The following ARHGAP22 variants were observed in gnomAD, a reference collection of about 807,000 sequenced individuals.
ARHGAP22 encodes the protein Rho GTPase activating protein 22.
Under a neutral mutation model 59.1 loss-of-function variants are expected in ARHGAP22, and 48 were observed. The observed-to-expected ratio is 0.81, with a 90% CI of 0.64 to 1.03. The LOEUF is 1.03. Ranked by LOEUF, ARHGAP22 falls within the 50% of genes least tolerant of loss-of-function variation. ARHGAP22 has a pLI of 0.00. For synonymous variants in ARHGAP22, 445 were observed against 416.4 expected (o/e 1.07, Z -0.84); for missense variants, 1,015 against 958.7 (o/e 1.06, Z -0.78).
intron 3 of ARHGAP22, among the ~76,000 whole-genome samples, chr10:48,518,574 C>T (rs980159847): frequency 7.9e-5 from 12 of 152,152 alleles, no homozygotes; most frequent in Admixed American, 3.9e-4. Flanking sequence ...AAGCAGGCCA[C>T]GTGTGAGAGG....
intron 1 of ARHGAP22, among the ~76,000 whole-genome samples, chr10:48,633,009 A>C (rs188512272): frequency 1.3e-5 from 2 of 152,322 alleles, no homozygotes; most frequent in Non-Finnish European, 2.9e-5. Flanking sequence ...ATCACCTGCC[A>C]CACGGAGGAC....
At chr10:48,498,699 A>T (rs1480731368) in intron 3 of ARHGAP22, among the ~76,000 whole-genome samples, 1 of 152,086 alleles carries the variant, frequency 6.6e-6, no homozygotes, top group African/African-American at 2.4e-5. Flanking sequence ...ACATTTCAGA[A>T]CCCAAAATGC....
chr10:48,638,131 C>G (rs2061899127), intron 1 of ARHGAP22, among the ~76,000 whole-genome samples: 1 of 152,134 alleles, frequency 6.6e-6, no homozygotes, highest in Non-Finnish European at 1.5e-5. Context: ...CACCGTTTTC[C>G]CCTAACAGAA....
downstream of ARHGAP22, among the ~76,000 whole-genome samples, chr10:48,443,471 T>C (rs1259282363): frequency 6.6e-6 from 1 of 152,032 alleles, no homozygotes; most frequent in East Asian, 1.9e-4. Context: ...TTGCGGGGCT[T>C]GCTTTGGGAG....
chr10:48,604,647 T>G, intron 1 of ARHGAP22, 116 bp downstream of exon 1: 5 of 1,522,694 alleles, frequency 3.3e-6, no homozygotes, highest in Non-Finnish European at 4.5e-6. Flanking sequence ...TCAGCGGCAA[T>G]GGTCCCAGAA....
chr10:48,567,346 T>G (rs1320143435), intron 2 of ARHGAP22, among the ~76,000 whole-genome samples: 1 of 152,164 alleles, frequency 6.6e-6, no homozygotes, highest in Non-Finnish European at 1.5e-5. Context: ...CTCATGGGAA[T>G]GAGATGCCAT....
intron 1 of ARHGAP22, among the ~76,000 whole-genome samples, chr10:48,600,551 CAA>C (rs5784770): frequency 0.14 from 19,378 of 138,946 alleles, 4,102 homozygotes; most frequent in African/African-American, 0.46. Flanking sequence ...GAGGAGTATT[CAA>C]AAAAAAAAAA....
At chr10:48,439,448 G>A in the ARHGAP22 span, 1 of 151,756 alleles carries the variant, frequency 6.6e-6, no homozygotes, top group African/African-American at 2.4e-5. Context: ...GGGATAAAAG[G>A]GGTCTTGCTA....
In ARHGAP22 at chr10:48,450,906, G is replaced by T; in HGVS notation, c.1223C>A (p.Ala408Asp). Residue 408 changes from alanine to aspartate, a missense_variant, in exon 9 of 10, where the codon GCC becomes GAC. Ala to Asp is a moderately radical substitution (Grantham distance 126). Transcript: ENST00000249601. ...GCACCGGCTCCCCGGCCCCGTGGGG[G>T]CTGTTCTGGAGAGCACCGCCACGGC... The part of the protein sequence containing the change: ...GAAVAVLSRT[A>D]PTGPGSRCSP... The T allele has an allele frequency of 6.3e-7, 1 of 1,595,254 alleles. No individual in the cohort carries two copies. Among genetic ancestry groups the T allele is most frequent in the Non-Finnish European group, 8.5e-7 (1 of 1,172,102 alleles).
chr10:48,604,055 C>G lies in ARHGAP22; in HGVS notation c.34+708G>C, dbSNP rs533224661. On this transcript the variant is annotated intron_variant, in intron 1 of 9. Coordinates refer to ENST00000249601, the MANE Select transcript of ARHGAP22 (RefSeq NM_021226.4). ...TGTTCTCATTCAAAATGACACTTTCCGTGGCTAAGAAGTTGTTGTCCATGG... is the reference window on the plus strand; with the variant it reads ...TGTTCTCATTCAAAATGACACTTTCGGTGGCTAAGAAGTTGTTGTCCATGG... 2.6e-5 allele frequency among the ~76,000 whole-genome samples: 4 copies of G among 152,352 alleles called. No individual in the cohort carries two copies. The East Asian group carries it at 7.7e-4, about 29-fold the overall frequency.
chr10:48,595,564 C>G (rs926349978), intron 1 of ARHGAP22, among the ~76,000 whole-genome samples: 1 of 152,068 alleles, frequency 6.6e-6, no homozygotes, highest in Non-Finnish European at 1.5e-5. Flanking sequence ...TGCTGTATCA[C>G]CTAGGCTGGA....
chr10:48,541,760 C>A (rs1320834587), intron 3 of ARHGAP22, among the ~76,000 whole-genome samples: 1 of 152,208 alleles, frequency 6.6e-6, no homozygotes, highest in African/African-American at 2.4e-5. Flanking sequence ...ACACTAAAGG[C>A]ACCTTCCAGT....
intron 3 of ARHGAP22, among the ~76,000 whole-genome samples, chr10:48,518,620 C>T (rs1327777651): frequency 2.0e-5 from 3 of 151,980 alleles, no homozygotes; most frequent in African/African-American, 4.8e-5. Context: ...ACCACATGGC[C>T]AGCAGCGTAT....
At chr10:48,591,581 T>A (rs2059758397) in intron 1 of ARHGAP22, among the ~76,000 whole-genome samples, 1 of 152,138 alleles carries the variant, frequency 6.6e-6, no homozygotes, top group Non-Finnish European at 1.5e-5. Flanking sequence ...ACTTTTTTTT[T>A]AAAGTTTGGC....
intron 3 of ARHGAP22, among the ~76,000 whole-genome samples, chr10:48,535,945 A>C (rs867995506): frequency 3.9e-5 from 6 of 152,044 alleles, no homozygotes; most frequent in Non-Finnish European, 5.9e-5. Flanking sequence ...GAATTGGGAG[A>C]GTTTCTGCCC....
intron 9 of ARHGAP22, among the ~76,000 whole-genome samples, chr10:48,447,419 C>T (rs2045469510): frequency 6.6e-6 from 1 of 152,224 alleles, no homozygotes; most frequent in South Asian, 2.1e-4. Context: ...CAGAGGGTAA[C>T]TGCTCCTCAG....
At position 48,454,029 on chromosome 10, in the gene ARHGAP22, G is replaced by A. The variant is rs546443133; in HGVS notation, c.866+59C>T. 16 of 1,538,888 alleles carry A rather than the reference G, an allele frequency of 1.0e-5. No individual in the cohort carries two copies. In the African/African-American group the frequency reaches 1.9e-4, roughly 18 times the overall value. ...GAAGAGTTGCGTGTCTCGCTGTGGG[G>A]TTGGGGGAGCGTGGAGCCAGTGCAG... On this transcript the variant is annotated intron_variant, in intron 7 of 9. Transcript: ENST00000249601.
intron 1 of ARHGAP22, among the ~76,000 whole-genome samples, chr10:48,634,022 C>T (rs1031754690): frequency 2.0e-5 from 3 of 152,218 alleles, no homozygotes; most frequent in Non-Finnish European, 2.9e-5. Context: ...CTTCCTCCCA[C>T]GCTTGTTTCT....
chr10:48,460,884 A>G (rs2047072645), intron 4 of ARHGAP22, among the ~76,000 whole-genome samples: 1 of 152,244 alleles, frequency 6.6e-6, no homozygotes, highest in Non-Finnish European at 1.5e-5. Context: ...TCATTCACAA[A>G]AGGACAAATA....
Sources: allele counts gnomAD v4.1 joint callset (sites outside exome capture counted in the v4.1 genomes callset), GRCh38; gene constraint gnomAD v4.1.1; transcripts MANE v1.5; gene names NCBI Gene and HGNC (gene_info 2026-07-23, HGNC 2026-07-21).